ADCY5: variants seen among roughly 807,000 people sequenced by gnomAD.
ADCY5 encodes adenylate cyclase 5.
A neutral mutation model predicts 119.7 loss-of-function variants in ADCY5; 30 were observed. The ratio of observed to expected loss-of-function variants is 0.25; its 90% CI spans 0.19 to 0.34. ADCY5 has a LOEUF of 0.34. Ranked by LOEUF, ADCY5 falls within the 10% of genes least tolerant of loss-of-function variation. The pLI is 1.00. For synonymous variants in ADCY5, 753 were observed against 762.2 expected, an observed-to-expected ratio of 0.99 and a Z score of 0.20; for missense variants, 1,324 against 1,775.2, an observed-to-expected ratio of 0.75 and a Z score of 4.57.
intron 1 of ADCY5, among the ~76,000 whole-genome samples, chr3:123,383,853 G>A (rs1944118548): frequency 6.7e-6 from 1 of 148,986 alleles, no homozygotes; most frequent in Non-Finnish European, 1.5e-5. Context: ...CTTCCTCAAG[G>A]CACGCACACA....
chr3:123,334,353 A>G (rs529600058), intron 3 of ADCY5, among the ~76,000 whole-genome samples: 340 of 152,324 alleles, frequency 2.2e-3, no homozygotes, highest in Non-Finnish European at 3.4e-3. Flanking sequence ...CGGGACTCCT[A>G]AGGCTCCAGA....
In ADCY5 at chr3:123,444,477, G is replaced by T. The variant is rs373988129; in HGVS notation, c.1134+2935C>A. 7.9e-5 allele frequency among the ~76,000 whole-genome samples: 12 copies of T among 152,218 alleles called. No individual in the cohort carries two copies. In the East Asian group the frequency reaches 1.9e-3, roughly 24 times the overall value. On this transcript the variant is annotated intron_variant, in intron 1 of 20. Coordinates refer to ENST00000462833, the MANE Select transcript of ADCY5 (RefSeq NM_183357.3). ...GAGAGAGAAGGAGCCGAGGGGGAGG[G>T]TGACAAACACTATGGACAGAGCCAG...
chr3:123,390,096 G>C (rs964502771), intron 1 of ADCY5, among the ~76,000 whole-genome samples: 2 of 152,198 alleles, frequency 1.3e-5, no homozygotes, highest in Admixed American at 6.5e-5. Context: ...CCATCACGAT[G>C]CCAGTTTCAG....
intron 18 of ADCY5, 77 bp downstream of exon 18, chr3:123,291,036 C>G: frequency 6.6e-7 from 1 of 1,508,404 alleles, no homozygotes; most frequent in Middle Eastern, 2.3e-4. Context: ...GGCGCCAGGT[C>G]TCTTCACATC....
intron 3 of ADCY5, 100 bp downstream of exon 3, chr3:123,347,681 GC>G: frequency 4.1e-6 from 6 of 1,476,834 alleles, no homozygotes; most frequent in Non-Finnish European, 4.6e-6. Context: ...AAGTCACCAA[GC>G]CACCCTGTCG....
At chr3:123,421,665 G>C (rs1455998384) in intron 1 of ADCY5, among the ~76,000 whole-genome samples, 1 of 152,140 alleles carries the variant, frequency 6.6e-6, no homozygotes, top group Middle Eastern at 3.2e-3. Context: ...AAGAGTAAAG[G>C]GCATGGGGGC....
intron 1 of ADCY5, among the ~76,000 whole-genome samples, chr3:123,407,396 A>T (rs114783799): frequency 1.7e-3 from 255 of 152,326 alleles, no homozygotes; most frequent in African/African-American, 5.8e-3. Context: ...ATGGAATATT[A>T]TTCATCCATA....
chr3:123,355,269 G>C (rs1163938085), intron 1 of ADCY5, among the ~76,000 whole-genome samples: 1 of 152,154 alleles, frequency 6.6e-6, no homozygotes, highest in Non-Finnish European at 1.5e-5. Flanking sequence ...TAGGATACAA[G>C]ATCAATATAC....
chr3:123,305,617 C>T (rs185506624), intron 12 of ADCY5, among the ~76,000 whole-genome samples: 7 of 149,128 alleles, frequency 4.7e-5, no homozygotes, highest in Non-Finnish European at 8.9e-5. Context: ...GTTTTTGTCT[C>T]TGACCCAGGA....
intron 15 of ADCY5, among the ~76,000 whole-genome samples, chr3:123,297,828 G>C (rs1299386233): frequency 6.6e-6 from 1 of 152,016 alleles, no homozygotes. Context: ...ACATACACCA[G>C]GTTTTGAATA....
Position 123,327,757 on chromosome 3 carries a change from C to T in ADCY5, c.1808G>A (p.Arg603His), listed in dbSNP as rs748727996. 4.3e-6 allele frequency: 7 copies of T among 1,613,916 alleles called. No individual in the cohort carries two copies. Among genetic ancestry groups the T allele is most frequent in the South Asian group, 1.1e-5 (1 of 91,060 alleles). Residue 603 changes from arginine (R) to histidine (H), a missense_variant and splice_region_variant, in exon 7 of 21, where the codon CGC becomes CAC. Physicochemically the swap from Arg to His is conservative, Grantham distance 29. Transcript: ENST00000462833. ...GAGTGTAGCCTTGGTGATGTGGATG[C>T]GTCTACAGGGGGGCAGGGATCAGGG... Reference protein sequence around the residue: ...NHMEAGGKAGRIHITKATLNY... With the variant: ...NHMEAGGKAGHIHITKATLNY...
chr3:123,429,185 C>T (rs1335966130), intron 1 of ADCY5, among the ~76,000 whole-genome samples: 2 of 152,190 alleles, frequency 1.3e-5, no homozygotes, highest in Non-Finnish European at 2.9e-5. Flanking sequence ...AAGTAGATTT[C>T]CATCAGACCG....
intron 1 of ADCY5, among the ~76,000 whole-genome samples, chr3:123,395,740 G>A (rs531272267): frequency 2.0e-5 from 3 of 151,580 alleles, no homozygotes; most frequent in South Asian, 2.1e-4. Context: ...TTTAATTGCC[G>A]GGTGTGGTGG....
intron 3 of ADCY5, among the ~76,000 whole-genome samples, chr3:123,337,822 C>T (rs1942092668): frequency 6.6e-6 from 1 of 152,216 alleles, no homozygotes; most frequent in African/African-American, 2.4e-5. Context: ...CAACCCACAA[C>T]AGTGCCTAAT....
At chr3:123,415,965 G>A (rs907221124) in intron 1 of ADCY5, among the ~76,000 whole-genome samples, 1 of 152,198 alleles carries the variant, frequency 6.6e-6, no homozygotes, top group Admixed American at 6.5e-5. Context: ...GCAAAATCAT[G>A]ACAACTGCTG....
chr3:123,448,357 CG>C lies in ADCY5; in HGVS notation c.188del (p.Pro63ArgfsTer21). On this transcript the variant is annotated frameshift_variant, in exon 1 of 21. Coordinates refer to ENST00000462833, the MANE Select transcript of ADCY5 (RefSeq NM_183357.3). LOFTEE classifies it high-confidence loss of function. The part of the protein sequence containing the change: ...STKKPGGAVT[P>X]QQQQRLASRW... ...GGCTGGCCAGGCGCTGCTGCTGCTGCGGGGTCACCGCCCCCCCGGGTTTCTT... is the reference window on the plus strand; with the variant it reads ...GGCTGGCCAGGCGCTGCTGCTGCTGCGGGTCACCGCCCCCCCGGGTTTCTT... 6.6e-7 allele frequency: 1 copy of C among 1,511,182 alleles called. No individual in the cohort carries two copies. Among genetic ancestry groups the C allele is most frequent in the Non-Finnish European group, 8.8e-7 (1 of 1,140,414 alleles). 93.6% of individuals were successfully genotyped at this position (1,511,182 alleles called of 1,614,324 possible).
chr3:123,434,378 T>C (rs927336025), intron 1 of ADCY5, among the ~76,000 whole-genome samples: 1 of 152,070 alleles, frequency 6.6e-6, no homozygotes, highest in Non-Finnish European at 1.5e-5. Flanking sequence ...ATCCAGTCAA[T>C]CAGGAATCTA....
In ADCY5 at chr3:123,410,650, CT is replaced by C. The variant is rs1037059371; in HGVS notation, c.1134+36761del. Among the ~76,000 whole-genome samples the C allele has an allele frequency of 3.0e-4, 45 of 149,424 alleles. No homozygotes were observed. The South Asian group carries it at 5.5e-3, about 18-fold the overall frequency. ...TAGATTAATCACCATCACATCCATTCTTTTTTTTTTGGAGGTAGAATCTCAC... is the reference window on the plus strand; with the variant it reads ...TAGATTAATCACCATCACATCCATTCTTTTTTTTTGGAGGTAGAATCTCAC... On this transcript the variant is annotated intron_variant, in intron 1 of 20. Transcript: ENST00000462833.
intron 3 of ADCY5, among the ~76,000 whole-genome samples, chr3:123,345,757 GACAGACAGACAGACAC>G (rs1375375784): frequency 6.5e-5 from 4 of 61,086 alleles, no homozygotes; most frequent in African/African-American, 1.3e-4. Context: ...CAGACAGACA[GACAGACAGACAGACAC>G]ACACACACAC....
Sources: gnomAD v4.1 joint callset for allele counts (sites outside exome capture counted in the v4.1 genomes callset) on GRCh38, gnomAD v4.1.1 for gene constraint, MANE v1.5 for transcripts, NCBI Gene and HGNC (gene_info 2026-07-23, HGNC 2026-07-21) for gene names.